The following ANGPTL1 variants were observed in gnomAD, a reference collection of about 807,000 sequenced individuals.
The protein encoded by ANGPTL1 is angiopoietin-related protein 1.
A neutral mutation model predicts 46.7 loss-of-function variants in ANGPTL1; 36 were observed. The observed-to-expected ratio is 0.77, with a 90% CI of 0.59 to 1.02. The LOEUF (loss-of-function observed/expected upper bound fraction) is 1.02. ANGPTL1 is among the 50% of genes least tolerant of loss of function. The probability of loss-of-function intolerance (pLI) is 0.00; values close to 1 mark genes in which losing one functional copy is unlikely to be tolerated. For missense variants in ANGPTL1, 571 were observed against 594.7 expected (o/e 0.96, Z 0.41); for synonymous variants, 221 against 204.3 (o/e 1.08, Z -0.69).
intron 4 of ANGPTL1, 64 bp from the exon 5 acceptor site, chr1:178,853,017 A>G: frequency 1.3e-6 from 2 of 1,533,270 alleles, no homozygotes; most frequent in Non-Finnish European, 1.7e-6. Flanking sequence ...ATTTTTACAG[A>G]GCAGTGTTAA....
intron 4 of ANGPTL1, 55 bp downstream of exon 4, chr1:178,853,539 A>C: frequency 7.4e-7 from 1 of 1,345,460 alleles, no homozygotes; most frequent in South Asian, 1.8e-5. Flanking sequence ...TGTTTCTTGC[A>C]TTATTGCAAG....
chr1:178,870,389 T>A (rs2102349774), intron 1 of ANGPTL1, among the ~76,000 whole-genome samples: 1 of 152,328 alleles, frequency 6.6e-6, no homozygotes, highest in Non-Finnish European at 1.5e-5. Context: ...ATTCCTTTGT[T>A]TTTAATCATT....
chr1:178,861,758 T>A (rs1005589382), intron 3 of ANGPTL1, among the ~76,000 whole-genome samples: 1 of 152,188 alleles, frequency 6.6e-6, no homozygotes, highest in Non-Finnish European at 1.5e-5. Flanking sequence ...TAAAACAAAA[T>A]TTTTAAAGGA....
chr1:178,851,320 T>A lies in ANGPTL1; in HGVS notation c.1289-4A>T. ...TTATGAAAGTGGGCGCAGTTTCCTTTGAGGAAAAAATACAGATATAAATGT... is the reference window on the plus strand; with the variant it reads ...TTATGAAAGTGGGCGCAGTTTCCTTAGAGGAAAAAATACAGATATAAATGT... On this transcript the variant is annotated splice_region_variant and splice_polypyrimidine_tract_variant and intron_variant, in intron 5 of 5. Coordinates refer to ENST00000234816, the MANE Select transcript of ANGPTL1 (RefSeq NM_004673.4). 6.2e-7 allele frequency: 1 copy of A among 1,601,550 alleles called. No individual in the cohort carries two copies. Among genetic ancestry groups the A allele is most frequent in the East Asian group, 2.2e-5 (1 of 44,604 alleles).
chr1:178,856,394 A>ATTTTTTTTT (rs71108081), intron 3 of ANGPTL1, among the ~76,000 whole-genome samples: 2,437 of 36,458 alleles, frequency 0.067, 629 homozygotes, highest in Non-Finnish European at 0.092. Context: ...TGCCTGGCTA[A>ATTTTTTTTT]TTTTTTTTTT....
At chr1:178,853,255 T>C (rs1266136921) in intron 4 of ANGPTL1, 5 of 963,196 alleles carry the variant, frequency 5.2e-6, no homozygotes, top group Non-Finnish European at 6.2e-6. Context: ...TTAGCTAGTA[T>C]ACTACCCAGA....
At chr1:178,863,221 G>A (rs944303625) in intron 3 of ANGPTL1, among the ~76,000 whole-genome samples, 1 of 152,156 alleles carries the variant, frequency 6.6e-6, no homozygotes, top group African/African-American at 2.4e-5. Flanking sequence ...GGGGACATGA[G>A]TAGAATTCAG....
intron 3 of ANGPTL1, among the ~76,000 whole-genome samples, chr1:178,857,439 G>A (rs80206607): frequency 6.6e-6 from 1 of 152,086 alleles, no homozygotes; most frequent in Non-Finnish European, 1.5e-5. Context: ...GAGTCAAGTG[G>A]GGGGTGGGAG....
intron 3 of ANGPTL1, among the ~76,000 whole-genome samples, chr1:178,860,593 C>T (rs1476262678): frequency 1.3e-5 from 2 of 152,144 alleles, no homozygotes; most frequent in Non-Finnish European, 2.9e-5. Context: ...TTAAACAACT[C>T]CCCATTCACC....
At chr1:178,856,194 G>GATATATATATATAT (rs776840814) in intron 3 of ANGPTL1, among the ~76,000 whole-genome samples, 20 of 99,164 alleles carry the variant, frequency 2.0e-4, no homozygotes, top group Middle Eastern at 5.2e-3. Context: ...CTTTTCCAGA[G>GATATATATATATAT]AGAGAGAGAT....
intron 3 of ANGPTL1, among the ~76,000 whole-genome samples, chr1:178,854,700 T>C (rs1558151501): frequency 6.6e-6 from 1 of 152,164 alleles, no homozygotes; most frequent in African/African-American, 2.4e-5. Context: ...AAACCCTAGA[T>C]AGACATAAAT....
At chr1:178,856,504 A>T (rs1657597773) in intron 3 of ANGPTL1, among the ~76,000 whole-genome samples, 2 of 135,472 alleles carry the variant, frequency 1.5e-5, no homozygotes, top group Admixed American at 1.7e-4. Flanking sequence ...CTCAAGTCGG[A>T]CTTCAGACTC....
intron 3 of ANGPTL1, among the ~76,000 whole-genome samples, chr1:178,858,887 G>A (rs1014014330): frequency 5.3e-5 from 8 of 152,176 alleles, no homozygotes; most frequent in Non-Finnish European, 1.0e-4. Context: ...AGATTACAAA[G>A]AGAATCCTTT....
chr1:178,853,805 T>C lies in ANGPTL1; in HGVS notation c.824-18A>G. 3 of 1,526,654 alleles carry C rather than the reference T, an allele frequency of 2.0e-6. No homozygotes were observed. The highest frequency in any genetic ancestry group is 2.6e-6 in the Non-Finnish European group (3 of 1,140,096). 94.6% of individuals were successfully genotyped at this position (1,526,654 alleles called of 1,614,324 possible). A position where few individuals can be genotyped will look rare whatever the true frequency, so the allele number is the denominator to read the frequency against. On this transcript the variant is annotated intron_variant, in intron 3 of 5. Coordinates refer to ENST00000234816, the MANE Select transcript of ANGPTL1 (RefSeq NM_004673.4). ...GAATGGTCCTATAATTTAAATATCATTTATTATCAGCAAACTTAATATGAG... is the reference window on the plus strand; with the variant it reads ...GAATGGTCCTATAATTTAAATATCACTTATTATCAGCAAACTTAATATGAG...
At chr1:178,862,249 A>T (rs1658073733) in intron 3 of ANGPTL1, among the ~76,000 whole-genome samples, 1 of 152,154 alleles carries the variant, frequency 6.6e-6, no homozygotes, top group Admixed American at 6.5e-5. Context: ...AGAACAGTAT[A>T]AAATGAACAA....
At chr1:178,867,846 A>G (rs998988833) in intron 2 of ANGPTL1, among the ~76,000 whole-genome samples, 1 of 151,806 alleles carries the variant, frequency 6.6e-6, no homozygotes, top group African/African-American at 2.4e-5. Context: ...TGTCAATGAA[A>G]TATAACTCTT....
chr1:178,853,590 T>C lies in ANGPTL1; in HGVS notation c.1017+4A>G. On this transcript the variant is annotated splice_donor_region_variant and intron_variant, in intron 4 of 5. Coordinates refer to ENST00000234816, the MANE Select transcript of ANGPTL1 (RefSeq NM_004673.4). The stretch of plus-strand genomic sequence containing the variant: ...CTTCCCTTAGGTCTGCATCACTGAT[T>C]TACCTTATAATTTTCCCAATTTCTG... 1 of 1,591,220 alleles carries C rather than the reference T, an allele frequency of 6.3e-7. No homozygotes were observed. Among genetic ancestry groups the C allele is most frequent in the Non-Finnish European group, 8.5e-7 (1 of 1,171,660 alleles).
In ANGPTL1 at chr1:178,859,695, C is replaced by CTT. The variant is rs1190050936; in HGVS notation, c.823+5257_823+5258dup. Among the ~76,000 whole-genome samples the CTT allele has an allele frequency of 1.1e-3, 122 of 108,280 alleles. 3 individuals are homozygous for CTT. Among genetic ancestry groups the CTT allele is most frequent in the Middle Eastern group, 6.0e-3 (1 of 168 alleles). The allele number at this position is 108,280 out of a possible 152,430, so 71.0% of individuals were successfully genotyped here. On this transcript the variant is annotated intron_variant, in intron 3 of 5. Transcript: ENST00000234816. ...ACCATGCCACATCATACACGAAGCA[C>CTT]TTTTTTTTTTTTTTTTTTTTTGAGA...
At chr1:178,863,403 C>G (rs1415399969) in intron 3 of ANGPTL1, among the ~76,000 whole-genome samples, 1 of 152,084 alleles carries the variant, frequency 6.6e-6, no homozygotes, top group Non-Finnish European at 1.5e-5. Context: ...TAAATAACTT[C>G]AGTGTAATAT....
Sources: gnomAD v4.1 joint callset for allele counts (sites outside exome capture counted in the v4.1 genomes callset) on GRCh38, gnomAD v4.1.1 for gene constraint, MANE v1.5 for transcripts, NCBI Gene and HGNC (gene_info 2026-07-23, HGNC 2026-07-21) for gene names.